Variants in SPATA33 observed in about 807,000 individuals in gnomAD.
The protein encoded by SPATA33 is spermatogenesis-associated protein 33.
Under a neutral mutation model 8.9 loss-of-function variants are expected in SPATA33, and 10 were observed. That is an observed-to-expected ratio of 1.12 (90% CI 0.69 to 1.90). The LOEUF (loss-of-function observed/expected upper bound fraction) is 1.90, where lower values mean the gene tolerates loss of function less well. Among genes scored for constraint, SPATA33 ranks in the 40% most tolerant of loss-of-function variants. The probability of loss-of-function intolerance (pLI) is 0.00; values close to 1 mark genes in which losing one functional copy is unlikely to be tolerated. For missense variants in SPATA33, 241 were observed against 178.3 expected (o/e 1.35, Z -2.00); for synonymous variants, 96 against 72.8 (o/e 1.32, Z -1.63).
rs1286922888 is a variant in SPATA33, at chr16:89,669,305, A to G, written c.231A>G (p.Gln77=). The change falls in exon 3 of 3, where the codon CAA becomes CAG. Residue 77 remains glutamine (Q), a synonymous_variant. Coordinates refer to ENST00000579310, the MANE Select transcript of SPATA33 (RefSeq NM_001271907.2). The part of the protein sequence containing the change: ...ASLEEKPDVK[Q]KSSRKKVVVP... ...CTCTAGAGAAACCTGATGTAAAGCA[A>G]AAGTCCAGCAGGAAGAAAGTGGTCG... The G allele has an allele frequency of 1.2e-6, 2 of 1,614,202 alleles. No individual in the cohort carries two copies. Among genetic ancestry groups the G allele is most frequent in the Non-Finnish European group, 8.5e-7 (1 of 1,180,044 alleles).
At chr16:89,660,237 G>A in intron 2 of SPATA33, 1 of 319,090 alleles carries the variant, frequency 3.1e-6, no homozygotes. Flanking sequence ...CAAAGGCATT[G>A]CTCCTTGCTT....
chr16:89,668,663 C>G (rs117418297), intron 2 of SPATA33, among the ~76,000 whole-genome samples: 4 of 147,930 alleles, frequency 2.7e-5, no homozygotes, highest in Non-Finnish European at 4.5e-5. Context: ...TGGCACTCCA[C>G]GAAGGGGGTG....
chr16:89,667,890 T>G (rs2060047720), intron 2 of SPATA33: 1 of 152,332 alleles, frequency 6.6e-6, no homozygotes, highest in Non-Finnish European at 1.5e-5. Context: ...TTGACTAGCC[T>G]TGGGCAGATG....
rs750124309 is a variant in SPATA33, at chr16:89,658,403, C to G, written c.193C>G (p.Pro65Ala). 6 of 1,610,124 alleles carry G rather than the reference C, an allele frequency of 3.7e-6. No individual in the cohort carries two copies. In the South Asian group the frequency reaches 6.6e-5, roughly 18 times the overall value. Residue 65 changes from proline (P) to alanine (A), a missense_variant, in exon 2 of 3, where the codon CCG becomes GCG. Physicochemically the swap from Pro to Ala is conservative, Grantham distance 27. Transcript: ENST00000579310. ...PGAGTAKHPP[P>A]AASLEEKPDV... ...GGCCGGGACAGCCAAGCACCCGCCG[C>G]CGGCAGCTTCGCTGGAAGGTAGGAG...
chr16:89,662,160 G>A (rs940684203), intron 2 of SPATA33, among the ~76,000 whole-genome samples: 4 of 151,912 alleles, frequency 2.6e-5, no homozygotes, highest in African/African-American at 9.7e-5. Flanking sequence ...TGGGTGTGGT[G>A]GTGCACACCT....
intron 2 of SPATA33, among the ~76,000 whole-genome samples, chr16:89,667,038 G>A (rs925899266): frequency 2.0e-5 from 3 of 152,204 alleles, no homozygotes; most frequent in African/African-American, 4.8e-5. Flanking sequence ...ACTGATGTCA[G>A]GCCCTCCACA....
intron 2 of SPATA33, chr16:89,660,772 A>G: frequency 1.1e-6 from 1 of 927,894 alleles, no homozygotes; most frequent in Non-Finnish European, 1.4e-6. Flanking sequence ...TTGGAGGGTG[A>G]TGGAAATGGT....
At chr16:89,665,618 A>G (rs1465279747) in intron 2 of SPATA33, among the ~76,000 whole-genome samples, 1 of 152,010 alleles carries the variant, frequency 6.6e-6, no homozygotes, top group African/African-American at 2.4e-5. Context: ...CTGGCCTAAT[A>G]TTTCTAAATG....
chr16:89,667,236 T>C (rs1435810965), intron 2 of SPATA33, among the ~76,000 whole-genome samples: 1 of 152,188 alleles, frequency 6.6e-6, no homozygotes, highest in Admixed American at 6.5e-5. Flanking sequence ...GGTGGCCCTG[T>C]CTGGGCATAA....
At chr16:89,658,861 C>G in intron 2 of SPATA33, 1 of 178,222 alleles carries the variant, frequency 5.6e-6, no homozygotes, top group South Asian at 1.2e-4. Context: ...AACCTGGGTG[C>G]GACAAAGGTG....
chr16:89,662,107 C>T (rs751456882), intron 2 of SPATA33, among the ~76,000 whole-genome samples: 2 of 152,050 alleles, frequency 1.3e-5, no homozygotes, highest in Admixed American at 6.6e-5. Context: ...GCATGGCCAA[C>T]ATGGTGAAAC....
At chr16:89,661,719 A>T (rs1239761556) in intron 2 of SPATA33, among the ~76,000 whole-genome samples, 2 of 152,150 alleles carry the variant, frequency 1.3e-5, no homozygotes, top group Admixed American at 1.3e-4. Context: ...AAGAACTTGA[A>T]AAAAAAGGAG....
chr16:89,663,473 G>A (rs1018819436), intron 2 of SPATA33, among the ~76,000 whole-genome samples: 1 of 151,890 alleles, frequency 6.6e-6, no homozygotes, highest in Non-Finnish European at 1.5e-5. Context: ...TCAAACTCCC[G>A]ATCTCAGGTG....
At chr16:89,664,495 G>A (rs1308827339) in intron 2 of SPATA33, among the ~76,000 whole-genome samples, 1 of 152,172 alleles carries the variant, frequency 6.6e-6, no homozygotes, top group Non-Finnish European at 1.5e-5. Context: ...ATCAAAATGC[G>A]AGATGATCCT....
intron 2 of SPATA33, among the ~76,000 whole-genome samples, chr16:89,667,674 A>G (rs974154502): frequency 2.6e-5 from 4 of 152,204 alleles, no homozygotes; most frequent in African/African-American, 9.7e-5. Context: ...TCAAAAAGAA[A>G]AAGGGATATC....
At chr16:89,664,969 A>G (rs2151531353) in intron 2 of SPATA33, among the ~76,000 whole-genome samples, 1 of 152,320 alleles carries the variant, frequency 6.6e-6, no homozygotes, top group African/African-American at 2.4e-5. Context: ...AAGTACACAC[A>G]ATATGTACCA....
chr16:89,662,008 G>C (rs533481240), intron 2 of SPATA33, among the ~76,000 whole-genome samples: 1 of 152,246 alleles, frequency 6.6e-6, no homozygotes, highest in East Asian at 1.9e-4. Flanking sequence ...AAGATACTCA[G>C]AATGCCAGGC....
intron 2 of SPATA33, chr16:89,661,381 G>GCTCT (rs1372001680): frequency 4.7e-6 from 1 of 210,782 alleles, no homozygotes; most frequent in Admixed American, 6.5e-5. Flanking sequence ...TCCTGCATAA[G>GCTCT]CTCTCTCTCT....
chr16:89,661,196 C>G (rs1447379784), intron 2 of SPATA33: 2 of 985,302 alleles, frequency 2.0e-6, no homozygotes, highest in Non-Finnish European at 2.4e-6. Flanking sequence ...ACTGTGGCAG[C>G]TGTTAGGATA....
Sources: allele counts gnomAD v4.1 joint callset (sites outside exome capture counted in the v4.1 genomes callset), GRCh38; gene constraint gnomAD v4.1.1; transcripts MANE v1.5; gene names NCBI Gene and HGNC (gene_info 2026-07-23, HGNC 2026-07-21).